Variants in MYO3A observed in about 807,000 individuals in gnomAD.
MYO3A encodes the protein myosin-IIIa.
A neutral mutation model predicts 192.7 loss-of-function variants in MYO3A; 180 were observed. That is an observed-to-expected ratio of 0.93 (90% confidence interval 0.83 to 1.06). MYO3A has a LOEUF of 1.06. Ranked by LOEUF, MYO3A falls within the 50% of genes least tolerant of loss-of-function variation. The probability of loss-of-function intolerance (pLI) is 0.00; values close to 1 mark genes in which losing one functional copy is unlikely to be tolerated. For missense variants in MYO3A, 1,896 were observed against 1,905.0 expected, an observed-to-expected ratio of 1.00 and a Z score of 0.09; for synonymous variants, 628 against 645.3, an observed-to-expected ratio of 0.97 and a Z score of 0.41.
At chr10:26,170,391 C>G in intron 28 of MYO3A, 25 bp from the exon 29 acceptor site, 1 of 1,611,308 alleles carries the variant, frequency 6.2e-7, no homozygotes, top group Non-Finnish European at 8.5e-7. Flanking sequence ...ATAATTAACA[C>G]TACTATGGGC....
At chr10:26,020,131 GTCT>G (rs949295846) in intron 7 of MYO3A, among the ~76,000 whole-genome samples, 20 of 152,184 alleles carry the variant, frequency 1.3e-4, no homozygotes, top group African/African-American at 3.1e-4. Context: ...TTGGTTAATG[GTCT>G]TCTTATTTGC....
chr10:26,079,228 T>C (rs1009617606), intron 14 of MYO3A, among the ~76,000 whole-genome samples: 2 of 152,160 alleles, frequency 1.3e-5, no homozygotes, highest in Non-Finnish European at 2.9e-5. Context: ...GATTGCGATA[T>C]TTTCCTCTTG....
At chr10:26,014,702 T>C (rs1226675204) in intron 6 of MYO3A, among the ~76,000 whole-genome samples, 2 of 152,068 alleles carry the variant, frequency 1.3e-5, no homozygotes, top group African/African-American at 4.8e-5. Context: ...ATCAACAAAA[T>C]AATAATGTTA....
intron 4 of MYO3A, among the ~76,000 whole-genome samples, chr10:25,973,250 A>G (rs1002703637): frequency 6.6e-6 from 1 of 152,060 alleles, no homozygotes; most frequent in African/African-American, 2.4e-5. Flanking sequence ...GCAATCGTGA[A>G]TGGGAATTCA....
At chr10:26,010,822 C>G (rs1375575911) in intron 6 of MYO3A, among the ~76,000 whole-genome samples, 1 of 152,050 alleles carries the variant, frequency 6.6e-6, no homozygotes, top group Non-Finnish European at 1.5e-5. Context: ...ATTCCAATCC[C>G]CTAAATTAAA....
intron 12 of MYO3A, 43 bp from the exon 13 acceptor site, chr10:26,070,067 TA>T: frequency 7.0e-7 from 1 of 1,427,180 alleles, no homozygotes; most frequent in East Asian, 2.3e-5. Flanking sequence ...AGGACTTAAA[TA>T]AAAACAAAAA....
At chr10:26,000,790 A>G (rs7914361) in intron 6 of MYO3A, among the ~76,000 whole-genome samples, 103,213 of 151,836 alleles carry the variant, frequency 0.68, 35,647 homozygotes, top group African/African-American at 0.8. Flanking sequence ...GTATTAGCCC[A>G]TTCTCACACT....
At chr10:25,973,861 A>T (rs1452566861) in intron 4 of MYO3A, among the ~76,000 whole-genome samples, 1 of 152,220 alleles carries the variant, frequency 6.6e-6, no homozygotes, top group East Asian at 1.9e-4. Flanking sequence ...TATTTAATAA[A>T]TGGTGCTGGG....
chr10:25,995,048 T>C (rs1419733209), intron 4 of MYO3A, among the ~76,000 whole-genome samples: 7 of 152,330 alleles, frequency 4.6e-5, no homozygotes, highest in Non-Finnish European at 8.8e-5. Flanking sequence ...TGAATTTGAA[T>C]GTTGTCCTGC....
chr10:26,202,065 C>G (rs551409279), intron 33 of MYO3A, among the ~76,000 whole-genome samples: 2 of 152,332 alleles, frequency 1.3e-5, no homozygotes, highest in South Asian at 4.1e-4. Context: ...GTATAGCACA[C>G]TTAAATTCAC....
At chr10:26,125,674 ATTG>A in intron 19 of MYO3A, 66 bp downstream of exon 19, 1 of 1,291,464 alleles carries the variant, frequency 7.7e-7, no homozygotes, top group Non-Finnish European at 1.1e-6. Flanking sequence ...TTTCTAATTG[ATTG>A]TTTTGTATAG....
At chr10:26,156,772 A>G (rs1289515687) in intron 25 of MYO3A, among the ~76,000 whole-genome samples, 2 of 152,102 alleles carry the variant, frequency 1.3e-5, no homozygotes, top group Non-Finnish European at 2.9e-5. Context: ...GGTTTGTTGA[A>G]CAGATTATTT....
chr10:25,948,451 C>T (rs1474216), intron 2 of MYO3A, among the ~76,000 whole-genome samples: 65,646 of 151,760 alleles, frequency 0.43, 15,340 homozygotes, highest in East Asian at 0.62. Context: ...GGTAAATGCA[C>T]ATATCAAATT....
chr10:26,167,144 A>G (rs1409004118), intron 27 of MYO3A, among the ~76,000 whole-genome samples: 1 of 152,198 alleles, frequency 6.6e-6, no homozygotes, highest in Non-Finnish European at 1.5e-5. Flanking sequence ...CCACTCAAGA[A>G]TACCTACTAT....
At chr10:25,984,708 A>G (rs1241632219) in intron 4 of MYO3A, among the ~76,000 whole-genome samples, 8 of 152,222 alleles carry the variant, frequency 5.3e-5, no homozygotes, top group African/African-American at 1.9e-4. Context: ...AGCCATATCA[A>G]GACCACAGTG....
intron 34 of MYO3A, among the ~76,000 whole-genome samples, chr10:26,204,841 G>C (rs1160940312): frequency 6.6e-6 from 1 of 152,138 alleles, no homozygotes; most frequent in Non-Finnish European, 1.5e-5. Context: ...TAACAAAGCT[G>C]AACAAGGTAA....
chr10:26,073,867 TG>T (rs1835367833), intron 14 of MYO3A, among the ~76,000 whole-genome samples: 1 of 151,476 alleles, frequency 6.6e-6, no homozygotes, highest in South Asian at 2.1e-4. Flanking sequence ...CAATTTGGGG[TG>T]GTGAAGGAAT....
chr10:25,948,314 T>A (rs1836989792), intron 2 of MYO3A, among the ~76,000 whole-genome samples: 1 of 152,200 alleles, frequency 6.6e-6, no homozygotes, highest in South Asian at 2.1e-4. Context: ...AAGATACGTT[T>A]TTCATTGTAT....
intron 17 of MYO3A, 109 bp from the exon 18 acceptor site, chr10:26,120,567 T>G: frequency 7.1e-7 from 1 of 1,406,642 alleles, no homozygotes; most frequent in Non-Finnish European, 1.0e-6. Context: ...AGTCTGTGGA[T>G]AGATATGAAA....
Sources: allele counts gnomAD v4.1 joint callset (sites outside exome capture counted in the v4.1 genomes callset), GRCh38; gene constraint gnomAD v4.1.1; transcripts MANE v1.5; gene names NCBI Gene and HGNC (gene_info 2026-07-23, HGNC 2026-07-21).